Variants in CLPSL2 observed in about 807,000 individuals in gnomAD.
CLPSL2 encodes the protein colipase-like protein 2.
CLPSL2 carries 4 observed loss-of-function variants against 7.9 expected under a neutral mutation model. The observed-to-expected ratio is 0.50, with a 90% CI of 0.25 to 1.15. CLPSL2 has a LOEUF of 1.15. Among genes scored for constraint, CLPSL2 ranks in the 50% most tolerant of loss-of-function variants. The pLI, the probability that CLPSL2 is intolerant of heterozygous loss-of-function variation, is 0.15. For missense variants in CLPSL2, 132 were observed against 136.6 expected (o/e 0.97, Z 0.17); for synonymous variants, 67 against 53.1 (o/e 1.26, Z -1.14).
At chr6:35,778,992 A>C (rs1581947557) in intron 2 of CLPSL2, among the ~76,000 whole-genome samples, 1 of 151,864 alleles carries the variant, frequency 6.6e-6, no homozygotes, top group Non-Finnish European at 1.5e-5. Flanking sequence ...GGCTAGTCTC[A>C]AACTCCTGAC....
intron 2 of CLPSL2, among the ~76,000 whole-genome samples, chr6:35,779,066 A>G (rs935340885): frequency 2.0e-5 from 3 of 152,134 alleles, no homozygotes; most frequent in Non-Finnish European, 4.4e-5. Flanking sequence ...GCCACCGCGC[A>G]TGGCCTAAAG....
At chr6:35,778,652 C>T (rs1767893371) in intron 2 of CLPSL2, among the ~76,000 whole-genome samples, 1 of 152,200 alleles carries the variant, frequency 6.6e-6, no homozygotes, top group Admixed American at 6.5e-5. Context: ...CTGTTCCTGC[C>T]CACCTGGCCC....
chr6:35,779,421 A>G lies in CLPSL2; in HGVS notation c.274A>G (p.Met92Val). ...CTTGACGTGCATATCCAAGGACTTG[A>G]TGTGTTCCCGCCGGTGCCATATGAT... ...MGLTCISKDL[M>V]CSRRCHMI Residue 92 changes from methionine to valine, a missense_variant, in exon 3 of 3, where the codon ATG becomes GTG. Met to Val is a conservative substitution (Grantham distance 21). Coordinates refer to ENST00000403376, the MANE Select transcript of CLPSL2 (RefSeq NM_207409.4). 1.9e-6 allele frequency: 3 copies of G among 1,579,124 alleles called. No individual in the cohort carries two copies. The highest frequency in any genetic ancestry group is 2.6e-6 in the Non-Finnish European group (3 of 1,161,400).
In CLPSL2 at chr6:35,779,474, C is replaced by A; in HGVS notation, c.*24C>A. On this transcript the variant is annotated 3_prime_UTR_variant, in exon 3 of 3. Coordinates refer to ENST00000403376, the MANE Select transcript of CLPSL2 (RefSeq NM_207409.4). ...AGAGGAAGATGCAGGCTGGTCACTG[C>A]TCCCTTGGGGCCATAGGCCCTGGTT... 1 of 1,559,516 alleles carries A rather than the reference C, an allele frequency of 6.4e-7. No individual in the cohort carries two copies. The highest frequency in any genetic ancestry group is 1.9e-5 in the Admixed American group (1 of 51,660).
chr6:35,776,598 G>T lies in CLPSL2; in HGVS notation c.-21G>T. 6.7e-7 allele frequency: 1 copy of T among 1,494,572 alleles called. No homozygotes were observed. The highest frequency in any genetic ancestry group is 8.9e-7 in the Non-Finnish European group (1 of 1,128,426). The allele number at this position is 1,494,572 out of a possible 1,614,324, so 92.6% of individuals were successfully genotyped here. A position where few individuals can be genotyped will look rare whatever the true frequency, so the allele number is the denominator to read the frequency against. ...TCCCGCGGCCCCTCGGAACCCCGCC[G>T]CTGCTCTGCCGCCCAGGCCCATGGC... On this transcript the variant is annotated 5_prime_UTR_variant, in exon 1 of 3. Coordinates refer to ENST00000403376, the MANE Select transcript of CLPSL2 (RefSeq NM_207409.4).
At chr6:35,777,672 C>T in intron 2 of CLPSL2, 91 bp downstream of exon 2, 3 of 1,403,542 alleles carry the variant, frequency 2.1e-6, no homozygotes, top group Admixed American at 5.0e-5. Context: ...GTTTTTTCAC[C>T]TCTGTCTGGA....
At position 35,777,451 on chromosome 6, in the gene CLPSL2, C is replaced by A. The variant is rs1434238667; in HGVS notation, c.85-8C>A. ...CCAGCCTGGCAGACATTCTGCCTGT[C>A]CCCACAGAAAATCACAGACAGGTGC... On this transcript the variant is annotated splice_region_variant and splice_polypyrimidine_tract_variant and intron_variant, in intron 1 of 2. Coordinates refer to ENST00000403376, the MANE Select transcript of CLPSL2 (RefSeq NM_207409.4). 6.2e-7 allele frequency: 1 copy of A among 1,613,080 alleles called. No homozygotes were observed.
At chr6:35,778,575 G>A (rs868688434) in intron 2 of CLPSL2, among the ~76,000 whole-genome samples, 2 of 152,238 alleles carry the variant, frequency 1.3e-5, no homozygotes, top group Non-Finnish European at 2.9e-5. Context: ...CTGGCAAGGA[G>A]AGTGTGCAGT....
chr6:35,777,526 C>G lies in CLPSL2; in HGVS notation c.152C>G (p.Ser51Cys). ...YSGCCLMDLDSGGAFCAPRAR... is the reference protein window; with the variant it reads ...YSGCCLMDLDCGGAFCAPRAR... ...GGCTGCTGCCTCATGGACTTGGACTCCGGTGGAGCCTTCTGTGCCCCCAGG... is the reference window on the plus strand; with the variant it reads ...GGCTGCTGCCTCATGGACTTGGACTGCGGTGGAGCCTTCTGTGCCCCCAGG... Residue 51 changes from serine (S) to cysteine (C), a missense_variant, in exon 2 of 3, where the codon TCC becomes TGC. Coordinates refer to ENST00000403376, the MANE Select transcript of CLPSL2 (RefSeq NM_207409.4). 1 of 1,613,802 alleles carries G rather than the reference C, an allele frequency of 6.2e-7. No homozygotes were observed. Among genetic ancestry groups the G allele is most frequent in the Non-Finnish European group, 8.5e-7 (1 of 1,179,844 alleles).
At chr6:35,778,251 C>T (rs911677644) in intron 2 of CLPSL2, among the ~76,000 whole-genome samples, 11 of 152,236 alleles carry the variant, frequency 7.2e-5, no homozygotes, top group African/African-American at 2.2e-4. Context: ...CCACCGTGCC[C>T]GGCCAATAAA....
chr6:35,776,865 C>T, intron 1 of CLPSL2, 163 bp downstream of exon 1: 1 of 551,896 alleles, frequency 1.8e-6, no homozygotes, highest in Non-Finnish European at 2.9e-6. Context: ...ACTTCAAAAG[C>T]CGCTTCACTT....
intron 1 of CLPSL2, 58 bp from the exon 2 acceptor site, chr6:35,777,401 C>T (rs1025733677): frequency 6.3e-6 from 10 of 1,587,616 alleles, no homozygotes; most frequent in South Asian, 1.1e-5. Context: ...CTCCCCTACC[C>T]GCCCACACGA....
chr6:35,779,080 CT>C (rs1767907614), intron 2 of CLPSL2, among the ~76,000 whole-genome samples: 1 of 152,152 alleles, frequency 6.6e-6, no homozygotes, highest in Non-Finnish European at 1.5e-5. Context: ...CCTAAAGGGT[CT>C]TTTTATTATC....
In CLPSL2 at chr6:35,779,437, GC is replaced by G; in HGVS notation, c.292del (p.His98IlefsTer2). On this transcript the variant is annotated frameshift_variant, in exon 3 of 3. Transcript: ENST00000403376. LOFTEE classifies it high-confidence loss of function. ...ISKDLMCSRR[C>X]HMI ...AAGGACTTGATGTGTTCCCGCCGGT[GC>G]CATATGATTTAGAGGAAGATGCAGG... 6.3e-7 allele frequency: 1 copy of G among 1,581,902 alleles called. No individual in the cohort carries two copies.
intron 2 of CLPSL2, chr6:35,777,946 TG>T (rs1171920043): frequency 4.2e-6 from 3 of 716,146 alleles, no homozygotes; most frequent in Non-Finnish European, 5.2e-6. Flanking sequence ...GCTCAATAAA[TG>T]CTTATTGTTG....
chr6:35,779,220 AGTTATAAGCT>A, intron 2 of CLPSL2, 125 bp from the exon 3 acceptor site: 1 of 603,684 alleles, frequency 1.7e-6, no homozygotes, highest in Non-Finnish European at 2.8e-6. Context: ...AAGGTCACGC[AGTTATAAGCT>A]GTAGAGACAG....
rs1465487681 is a variant in CLPSL2, at chr6:35,779,338, A to T, written c.208-17A>T. 1 of 1,540,442 alleles carries T rather than the reference A, an allele frequency of 6.5e-7. No homozygotes were observed. Among genetic ancestry groups the T allele is most frequent in the Non-Finnish European group, 8.8e-7 (1 of 1,135,138 alleles). ...TGCATCCTGGTGACTCCCGATTCTCATACCCACTCCCTGCAGACCAAGGGA... is the reference window on the plus strand; with the variant it reads ...TGCATCCTGGTGACTCCCGATTCTCTTACCCACTCCCTGCAGACCAAGGGA... On this transcript the variant is annotated splice_polypyrimidine_tract_variant and intron_variant, in intron 2 of 2. Coordinates refer to ENST00000403376, the MANE Select transcript of CLPSL2 (RefSeq NM_207409.4).
intron 2 of CLPSL2, 198 bp downstream of exon 2, chr6:35,777,779 T>G: frequency 1.4e-6 from 1 of 724,320 alleles, no homozygotes; most frequent in Non-Finnish European, 2.5e-6. Flanking sequence ...GGAGCTCCTG[T>G]ACCCTGGGGT....
intron 2 of CLPSL2, chr6:35,777,795 C>G: frequency 1.4e-6 from 1 of 718,854 alleles, no homozygotes; most frequent in East Asian, 2.7e-5. Flanking sequence ...GGGGTCAGAC[C>G]CTCAGCAGAC....
Sources: allele counts gnomAD v4.1 joint callset (sites outside exome capture counted in the v4.1 genomes callset), GRCh38; gene constraint gnomAD v4.1.1; transcripts MANE v1.5; gene names NCBI Gene and HGNC (gene_info 2026-07-23, HGNC 2026-07-21).